Variants in PLAAT5 observed in about 807,000 individuals in gnomAD.
The protein encoded by PLAAT5 is Ca(2+)-independent N-acyltransferase.
A neutral mutation model predicts 27.8 loss-of-function variants in PLAAT5; 27 were observed. The ratio of observed to expected loss-of-function variants is 0.97; its 90% CI spans 0.72 to 1.34. PLAAT5 has a LOEUF of 1.34. Among genes scored for constraint, PLAAT5 ranks in the 40% most tolerant of loss-of-function variants. The pLI, the probability that PLAAT5 is intolerant of heterozygous loss-of-function variation, is 0.00. For synonymous variants in PLAAT5, 125 were observed against 136.1 expected (o/e 0.92, Z 0.57); for missense variants, 368 against 343.8 (o/e 1.07, Z -0.56).
rs189152210 is a variant in PLAAT5, at chr11:63,467,882, C to T, written c.454+475G>A. 2.1e-3 allele frequency among the ~76,000 whole-genome samples: 319 copies of T among 152,272 alleles called. 1 individual carries two copies. Among genetic ancestry groups the T allele is most frequent in the African/African-American group, 6.9e-3 (287 of 41,556 alleles). On this transcript the variant is annotated intron_variant, in intron 4 of 5. Transcript: ENST00000540857. Reference sequence around the variant, plus strand: ...GGCTGTATCTACATTTAGGGTGAAACAGCAAGGAGCATGTTGGAACAGCAG... The same window carrying T: ...GGCTGTATCTACATTTAGGGTGAAATAGCAAGGAGCATGTTGGAACAGCAG...
intron 3 of PLAAT5, among the ~76,000 whole-genome samples, chr11:63,483,820 TATATATATATATATATATATATAC>T (rs2016360995): frequency 1.1e-5 from 1 of 88,064 alleles, no homozygotes; most frequent in Admixed American, 1.0e-4. Context: ...TATATATATA[TATATATATATATATATATATATAC>T]ACATATATAT....
At chr11:63,477,858 T>C (rs1292655394) in intron 3 of PLAAT5, among the ~76,000 whole-genome samples, 2 of 152,198 alleles carry the variant, frequency 1.3e-5, no homozygotes, top group Admixed American at 1.3e-4. Flanking sequence ...GGCTTTACCT[T>C]TTGTCAGTGG....
In PLAAT5 at chr11:63,463,564, G is replaced by T. The variant is rs766050890; in HGVS notation, c.749C>A (p.Ala250Asp). ...VEHALMEGAK[A>D]AGAVISAVVD... ...TACAGCTGAAATAACTGCTCCAGCAGCCTTCGCTCCTTCCATCAGGGCGTG... is the reference window on the plus strand; with the variant it reads ...TACAGCTGAAATAACTGCTCCAGCATCCTTCGCTCCTTCCATCAGGGCGTG... Residue 250 changes from alanine to aspartate, a missense_variant, in exon 6 of 6, where the codon GCT becomes GAT. Transcript: ENST00000540857. 6.2e-7 allele frequency: 1 copy of T among 1,613,784 alleles called. No individual in the cohort carries two copies.
At chr11:63,479,190 A>G (rs1005272804) in intron 3 of PLAAT5, among the ~76,000 whole-genome samples, 22 of 152,366 alleles carry the variant, frequency 1.4e-4, no homozygotes, top group African/African-American at 5.1e-4. Flanking sequence ...AGTGATGTAG[A>G]TGGATACAGA....
intron 3 of PLAAT5, among the ~76,000 whole-genome samples, chr11:63,484,091 T>C (rs570982276): frequency 1.4e-5 from 2 of 141,652 alleles, no homozygotes; most frequent in Non-Finnish European, 3.1e-5. Flanking sequence ...CAGGAAGAAA[T>C]AGAAACTCTG....
intron 5 of PLAAT5, 133 bp downstream of exon 5, chr11:63,465,977 G>T: frequency 1.1e-6 from 1 of 941,106 alleles, no homozygotes; most frequent in Non-Finnish European, 1.6e-6. Flanking sequence ...ATAAAGTCCT[G>T]CAGAAATAGA....
chr11:63,468,402 C>G lies in PLAAT5; in HGVS notation c.409G>C (p.Ala137Pro). The G allele has an allele frequency of 1.2e-6, 2 of 1,614,122 alleles. No homozygotes were observed. Among genetic ancestry groups the G allele is most frequent in the Non-Finnish European group, 1.7e-6 (2 of 1,179,982 alleles). Residue 137 changes from alanine (A) to proline (P), a missense_variant, in exon 4 of 6, where the codon GCC (alanine) becomes CCC (proline). Ala to Pro is a conservative substitution (Grantham distance 27). Transcript: ENST00000540857. ...ACGCAATCATCTTCTACATAGATGG[C>G]CCAGTGCTCATAGCCAATTCGAAAA... ...EIFRIGYEHW[A>P]IYVEDDCVVH...
chr11:63,467,011 T>C (rs1246211270), intron 4 of PLAAT5, among the ~76,000 whole-genome samples: 1 of 152,188 alleles, frequency 6.6e-6, no homozygotes, highest in African/African-American at 2.4e-5. Context: ...AGCCCTGAGA[T>C]GAGACAGAGA....
At position 63,465,123 on chromosome 11, in the gene PLAAT5, C is replaced by T. The variant is rs547986099; in HGVS notation, c.717+987G>A. 2.0e-5 allele frequency among the ~76,000 whole-genome samples: 3 copies of T among 152,016 alleles called. No homozygotes were observed. In the East Asian group the frequency reaches 5.9e-4, roughly 30 times the overall value. On this transcript the variant is annotated intron_variant, in intron 5 of 5. Transcript: ENST00000540857. ...CAAAACCCCATTTCTACTCAAAATA[C>T]AAAAATTAGCCAGACGTGGTGGCGC...
At position 63,490,869 on chromosome 11, in the gene PLAAT5, C is replaced by A; in HGVS notation, c.148+18G>T. The A allele has an allele frequency of 6.3e-7, 1 of 1,593,548 alleles. No individual in the cohort carries two copies. Among genetic ancestry groups the A allele is most frequent in the Non-Finnish European group, 8.5e-7 (1 of 1,170,898 alleles). On this transcript the variant is annotated intron_variant, in intron 1 of 5. Coordinates refer to ENST00000540857, the MANE Select transcript of PLAAT5 (RefSeq NM_001146729.2). ...GGACAATTGCGGATTGTCCTTCAGC[C>A]GCATTCTTGGGGCTGACCTGAGTGG...
chr11:63,480,919 A>T (rs1159702719), intron 3 of PLAAT5, among the ~76,000 whole-genome samples: 1 of 152,202 alleles, frequency 6.6e-6, no homozygotes. Context: ...GATTGGATTA[A>T]TTCGAAAGCC....
At position 63,490,955 on chromosome 11, in the gene PLAAT5, G is replaced by C. The variant is rs1177126915; in HGVS notation, c.80C>G (p.Ser27Trp). 2.5e-6 allele frequency: 4 copies of C among 1,595,396 alleles called. No individual in the cohort carries two copies. Among genetic ancestry groups the C allele is most frequent in the South Asian group, 2.3e-5 (2 of 88,780 alleles). ...RIPPPLPKPA[S>W]RTASTGPKDQ... Reference sequence around the variant, plus strand: ...CTTGGGCCCGGTACTGGCGGTTCGCGAGGCGGGTTTGGGGAGGGGTGGGGG... The same window carrying C: ...CTTGGGCCCGGTACTGGCGGTTCGCCAGGCGGGTTTGGGGAGGGGTGGGGG... The change falls in exon 1 of 6, where the codon TCG becomes TGG. Residue 27 changes from serine to tryptophan, a missense_variant. By Grantham distance (177) the Ser-to-Trp change is radical (BLOSUM62 -3). Transcript: ENST00000540857.
rs940611 is a variant in PLAAT5, at chr11:63,488,969, C to G, written c.247G>C (p.Ala83Pro). 0.072 allele frequency: 115,526 copies of G among 1,606,038 alleles called. 14,134 individuals carry two copies. The highest frequency in any genetic ancestry group is 0.56 in the African/African-American group (41,401 of 74,368). Residue 83 changes from alanine (A) to proline (P), a missense_variant, in exon 3 of 6, where the codon GCT (alanine) becomes CCT (proline). Physicochemically the swap from Ala to Pro is conservative, Grantham distance 27 (BLOSUM62 -1). Transcript: ENST00000540857. The part of the protein sequence containing the change: ...QGRSIQQGEK[A>P]VVSLETTPSQ... ...GGTGTGGTCTCCAAGCTAACTACAG[C>G]CTTCTCCCTAAATGATTTTGCAATC...
intron 3 of PLAAT5, among the ~76,000 whole-genome samples, chr11:63,482,060 A>T (rs892865812): frequency 2.0e-5 from 3 of 151,272 alleles, no homozygotes; most frequent in Non-Finnish European, 4.4e-5. Context: ...GTATAATAAT[A>T]AAAAAAAAGA....
intron 4 of PLAAT5, 152 bp downstream of exon 4, chr11:63,468,205 A>T (rs146262341): frequency 1.6e-6 from 1 of 631,558 alleles, no homozygotes; most frequent in East Asian, 2.7e-5. Flanking sequence ...ACAGAGACCA[A>T]GCTCTGTCAC....
chr11:63,462,336 TTCATCCTGG>T lies in PLAAT5; in HGVS notation c.*1158_*1166del, dbSNP rs1344757620. 1 of 152,092 alleles carries T rather than the reference TTCATCCTGG, an allele frequency of 6.6e-6. No homozygotes were observed. The highest frequency in any genetic ancestry group is 2.4e-5 in the African/African-American group (1 of 41,406). The allele number at this position is 152,092 out of a possible 1,614,324, so 9.4% of individuals were successfully genotyped here. On this transcript the variant is annotated 3_prime_UTR_variant, in exon 6 of 6. Transcript: ENST00000540857. ...GGGAAGAGGAACTAGGGATATCAGT[TTCATCCTGG>T]TCATGATTCACAGAAATGAGTGCAG...
At chr11:63,477,038 T>C (rs2016168200) in intron 3 of PLAAT5, among the ~76,000 whole-genome samples, 1 of 152,232 alleles carries the variant, frequency 6.6e-6, no homozygotes, top group South Asian at 2.1e-4. Context: ...ATTTGGTGCT[T>C]CTTTATCATT....
intron 1 of PLAAT5, chr11:63,490,641 C>G (rs2016541558): frequency 8.2e-6 from 5 of 610,896 alleles, no homozygotes; most frequent in Non-Finnish European, 1.4e-5. Flanking sequence ...CCGGTCTTAA[C>G]ACCACCCTCC....
At chr11:63,485,705 AT>A (rs1282649823) in intron 3 of PLAAT5, among the ~76,000 whole-genome samples, 1 of 152,238 alleles carries the variant, frequency 6.6e-6, no homozygotes, top group Non-Finnish European at 1.5e-5. Flanking sequence ...CCTTCTAGAC[AT>A]TGGCTTAGGA....
Sources: allele counts gnomAD v4.1 joint callset (sites outside exome capture counted in the v4.1 genomes callset), GRCh38; gene constraint gnomAD v4.1.1; transcripts MANE v1.5; gene names NCBI Gene and HGNC (gene_info 2026-07-23, HGNC 2026-07-21).